EEF1B2: variants seen among roughly 807,000 people sequenced by gnomAD.
EEF1B2 encodes the protein eukaryotic translation elongation factor 1 beta 2.
EEF1B2 carries 12 observed loss-of-function variants against 28.3 expected under a neutral mutation model. That is an observed-to-expected ratio of 0.42 (90% CI 0.27 to 0.69). The LOEUF (loss-of-function observed/expected upper bound fraction) is 0.69. EEF1B2 is among the 30% of genes least tolerant of loss of function. The pLI, the probability that EEF1B2 is intolerant of heterozygous loss-of-function variation, is 0.22. For synonymous variants in EEF1B2, 83 were observed against 99.9 expected, an observed-to-expected ratio of 0.83 and a Z score of 1.01; for missense variants, 234 against 272.6, an observed-to-expected ratio of 0.86 and a Z score of 1.00.
chr2:206,161,183 G>A (rs962074098), intron 2 of EEF1B2, 163 bp from the exon 3 acceptor site: 1 of 843,364 alleles, frequency 1.2e-6, no homozygotes, highest in African/African-American at 1.7e-5. Context: ...GTCGGGTGAG[G>A]AGTTGAACAT....
intron 3 of EEF1B2, chr2:206,161,701 C>T (rs528775746): frequency 2.2e-5 from 12 of 537,890 alleles, no homozygotes; most frequent in Non-Finnish European, 3.6e-5. Context: ...ACCTAGGAAG[C>T]GGAGGTTGCA....
In EEF1B2 at chr2:206,160,653, T is replaced by G; in HGVS notation, c.146T>G (p.Leu49Trp). The G allele has an allele frequency of 6.2e-7, 1 of 1,614,052 alleles. No individual in the cohort carries two copies. The highest frequency in any genetic ancestry group is 1.1e-5 in the South Asian group (1 of 91,080). ...GTGTCCAGCCCACCGCCTGCCGACT[T>G]GTGTCATGCCCTACGTTGGTATAAT... is the stretch of plus-strand genomic sequence containing the variant. Reference protein sequence around the residue: ...EAVSSPPPADLCHALRWYNHI... With the variant: ...EAVSSPPPADWCHALRWYNHI... The change falls in exon 2 of 6, where the codon TTG becomes TGG. Residue 49 changes from leucine to tryptophan, a missense_variant. Physicochemically the swap from Leu to Trp is moderately conservative, Grantham distance 61. This residue lies in a region of EEF1B2 where 178 missense variants were observed against 173.3 expected (regional missense o/e 1.03). Transcript: ENST00000392222.
At chr2:206,162,219 T>C in intron 4 of EEF1B2, 115 bp downstream of exon 4, 1 of 1,182,760 alleles carries the variant, frequency 8.5e-7, no homozygotes, top group Non-Finnish European at 1.3e-6. Context: ...TTAAAACCTG[T>C]ACAGGTTCTT....
At chr2:206,162,656 TG>T in intron 5 of EEF1B2, 42 bp downstream of exon 5, 22 of 1,586,772 alleles carry the variant, frequency 1.4e-5, no homozygotes, top group Non-Finnish European at 1.9e-5. Flanking sequence ...AACTAACATC[TG>T]GAATTTGCCT....
intron 1 of EEF1B2, 28 bp from the exon 2 acceptor site, chr2:206,160,560 T>C: frequency 1.2e-6 from 2 of 1,613,764 alleles, no homozygotes; most frequent in Non-Finnish European, 1.7e-6. Context: ...TTCAAAGGTG[T>C]GTGTGAATGT....
chr2:206,160,784 C>A, intron 2 of EEF1B2, 74 bp downstream of exon 2: 1 of 1,610,528 alleles, frequency 6.2e-7, no homozygotes, highest in Non-Finnish European at 8.5e-7. Flanking sequence ...CATGACAAAA[C>A]TGGACCCAGG....
chr2:206,161,213 C>A, intron 2 of EEF1B2, 133 bp from the exon 3 acceptor site: 1 of 1,253,296 alleles, frequency 8.0e-7, no homozygotes, highest in Non-Finnish European at 1.1e-6. Flanking sequence ...TTTACCTGGG[C>A]GCATGTGAAA....
At chr2:206,160,165 C>CA (rs71034414) in intron 1 of EEF1B2, 106 bp downstream of exon 1, 2 of 1,420,778 alleles carry the variant, frequency 1.4e-6, no homozygotes, top group African/African-American at 1.5e-5. Context: ...AGGCCGGGCC[C>CA]GGGGCCCTTT....
chr2:206,159,914 G>C lies in EEF1B2; in HGVS notation c.-66G>C. ...TCGGGTCCTTTTTCCTCTCTTCAGC[G>C]TGGGGCGCCCACAATTTGCGCGCTC... On this transcript the variant is annotated 5_prime_UTR_variant, in exon 1 of 6. Coordinates refer to ENST00000392222, the MANE Select transcript of EEF1B2 (RefSeq NM_001959.4). 1.9e-6 allele frequency: 3 copies of C among 1,577,226 alleles called. No individual in the cohort carries two copies. The highest frequency in any genetic ancestry group is 2.6e-6 in the Non-Finnish European group (3 of 1,160,194).
rs544198333 is a variant in EEF1B2, at chr2:206,160,709, A to G, written c.202A>G (p.Ser68Gly). 1.1e-5 allele frequency: 18 copies of G among 1,614,056 alleles called. No homozygotes were observed. The highest frequency in any genetic ancestry group is 1.5e-5 in the Non-Finnish European group (18 of 1,180,038). The change falls in exon 2 of 6, where the codon AGC becomes GGC. Residue 68 changes from serine (S) to glycine (G), a missense_variant and splice_region_variant. Ser to Gly is a moderately conservative substitution (Grantham distance 56). Transcript: ENST00000392222. ...HIKSYEKEKA[S>G]LPGVKKALGK... ...CAAGTCTTACGAAAAGGAAAAGGCC[A>G]GGTAAAATCATCTTTGTATAGAGCT...
intron 2 of EEF1B2, chr2:206,161,143 A>G (rs1035456801): frequency 1.6e-6 from 1 of 640,782 alleles, no homozygotes; most frequent in Non-Finnish European, 2.7e-6. Flanking sequence ...GTGAGTATTG[A>G]AAATAATGTC....
chr2:206,162,072 G>A lies in EEF1B2; in HGVS notation c.365G>A (p.Arg122His), dbSNP rs746417320. Residue 122 changes from arginine to histidine, a missense_variant, in exon 4 of 6, where the codon CGT (arginine) becomes CAT (histidine). Physicochemically the swap from Arg to His is conservative, Grantham distance 29. Transcript: ENST00000392222. ...SEEAKRLREE[R>H]LAQYESKKAK... ...GAAGCAAAGAGGCTAAGGGAAGAAC[G>A]TCTTGCACAATATGAATCAAAGAAA... 46 of 1,613,966 alleles carry A rather than the reference G, an allele frequency of 2.9e-5. No individual in the cohort carries two copies. Among genetic ancestry groups the A allele is most frequent in the East Asian group, 2.0e-4 (9 of 44,880 alleles).
chr2:206,162,350 A>T, intron 4 of EEF1B2, 139 bp from the exon 5 acceptor site: 1 of 1,405,540 alleles, frequency 7.1e-7, no homozygotes, highest in South Asian at 1.2e-5. Flanking sequence ...TATATGTGTG[A>T]CAGACACAAG....
At chr2:206,162,441 G>A (rs760874509) in intron 4 of EEF1B2, 48 bp from the exon 5 acceptor site, 2 of 1,607,156 alleles carry the variant, frequency 1.2e-6, no homozygotes, top group South Asian at 1.1e-5. Context: ...GGAGTAGGGT[G>A]AAAAAAATAC....
At position 206,162,241 on chromosome 2, in the gene EEF1B2, G is replaced by C. The variant is rs1220040663; in HGVS notation, c.397+137G>C. The C allele has an allele frequency of 3.7e-6, 4 of 1,078,968 alleles. No homozygotes were observed. In the East Asian group the frequency reaches 9.4e-5, roughly 25 times the overall value. 66.8% of individuals were successfully genotyped at this position (1,078,968 alleles called of 1,614,324 possible). ...CTGTACAGGTTCTTCCACAGCTACT[G>C]GTCTGCAGCTGTTCTTATGGTAGCA... On this transcript the variant is annotated intron_variant, in intron 4 of 5. Transcript: ENST00000392222.
intron 3 of EEF1B2, 47 bp downstream of exon 3, chr2:206,161,519 A>T (rs763628654): frequency 6.2e-7 from 1 of 1,606,712 alleles, no homozygotes; most frequent in African/African-American, 1.3e-5. Flanking sequence ...GCAGTGGCTC[A>T]TGCCTGTAAT....
rs1687852186 is a variant in EEF1B2, at chr2:206,159,931, T to G, written c.-49T>G. The G allele has an allele frequency of 6.3e-7, 1 of 1,595,986 alleles. No homozygotes were observed. Among genetic ancestry groups the G allele is most frequent in the Non-Finnish European group, 8.5e-7 (1 of 1,172,992 alleles). On this transcript the variant is annotated 5_prime_UTR_variant, in exon 1 of 6. Coordinates refer to ENST00000392222, the MANE Select transcript of EEF1B2 (RefSeq NM_001959.4). ...TCTTCAGCGTGGGGCGCCCACAATTTGCGCGCTCTCTTTCTGCTGCTCCCC... is the reference window on the plus strand; with the variant it reads ...TCTTCAGCGTGGGGCGCCCACAATTGGCGCGCTCTCTTTCTGCTGCTCCCC...
At position 206,160,040 on chromosome 2, in the gene EEF1B2, G is replaced by A. The variant is rs544084223; in HGVS notation, c.61G>A (p.Asp21Asn). Residue 21 changes from aspartate to asparagine, a missense_variant, in exon 1 of 6, where the codon GAC becomes AAC. Physicochemically the swap from Asp to Asn is conservative, Grantham distance 23 (BLOSUM62 1). Around this residue, in one of 2 missense-constraint regions of EEF1B2, gnomAD observed 178 missense variants for 173.3 expected, o/e 1.03. Transcript: ENST00000392222. ...GLQVLNDYLA[D>N]KSYIEGYVPS... ...CCAGGTGCTCAACGATTACCTGGCG[G>A]ACAAGAGCTACATCGAGGGGTGAGC... The A allele has an allele frequency of 1.9e-5, 30 of 1,613,294 alleles. 1 individual carries two copies. In the South Asian group the frequency reaches 3.2e-4, roughly 17 times the overall value.
At chr2:206,161,782 A>AAG (rs1687941097) in intron 3 of EEF1B2, 1 of 626,720 alleles carries the variant, frequency 1.6e-6, no homozygotes, top group African/African-American at 1.8e-5. Flanking sequence ...AAAAAAAAAA[A>AAG]AGAATACATC....
Sources: allele counts gnomAD v4.1 joint callset, GRCh38; gene constraint gnomAD v4.1.1; regional missense constraint gnomAD v4.1.1; transcripts MANE v1.5; gene names NCBI Gene and HGNC (gene_info 2026-07-23, HGNC 2026-07-21).